Variants in FOXN3 observed in about 807,000 individuals in gnomAD.
The protein encoded by FOXN3 is forkhead box protein N3.
A neutral mutation model predicts 38.4 loss-of-function variants in FOXN3; 7 were observed. The ratio of observed to expected loss-of-function variants is 0.18; its 90% CI spans 0.10 to 0.34. The LOEUF is 0.34. Among genes scored for constraint, FOXN3 ranks in the 10% least tolerant of loss-of-function variants. The pLI is 1.00. For missense variants in FOXN3, 456 were observed against 613.4 expected (o/e 0.74, Z 2.71); for synonymous variants, 230 against 242.2 (o/e 0.95, Z 0.47).
chr14:89,394,828 G>C (rs1388587515), intron 2 of FOXN3, among the ~76,000 whole-genome samples: 1 of 152,212 alleles, frequency 6.6e-6, no homozygotes, highest in East Asian at 1.9e-4. Context: ...ACACAGGAAA[G>C]GACGAGGAAC....
At chr14:89,540,256 T>C (rs1201496956) in intron 1 of FOXN3, among the ~76,000 whole-genome samples, 2 of 152,186 alleles carry the variant, frequency 1.3e-5, no homozygotes, top group South Asian at 2.1e-4. Context: ...GTGGGGTATG[T>C]GGTTAGATCA....
intron 1 of FOXN3, among the ~76,000 whole-genome samples, chr14:89,603,903 T>C (rs1314017051): frequency 2.0e-5 from 3 of 151,898 alleles, no homozygotes; most frequent in Non-Finnish European, 4.4e-5. Context: ...ATAAGAGGCA[T>C]CCAGCTACAG....
intron 1 of FOXN3, among the ~76,000 whole-genome samples, chr14:89,505,160 G>A (rs1893885915): frequency 6.6e-6 from 1 of 152,112 alleles, no homozygotes; most frequent in Non-Finnish European, 1.5e-5. Context: ...GCATGACTGA[G>A]GCAGTTTTAG....
chr14:89,395,992 T>G (rs931046718), intron 2 of FOXN3, among the ~76,000 whole-genome samples: 2 of 152,172 alleles, frequency 1.3e-5, no homozygotes, highest in Non-Finnish European at 2.9e-5. Context: ...TCAGGTCCTT[T>G]GCTCACCAGG....
At chr14:89,454,758 T>C (rs1206487203) in intron 1 of FOXN3, among the ~76,000 whole-genome samples, 4 of 152,236 alleles carry the variant, frequency 2.6e-5, no homozygotes, top group South Asian at 2.1e-4. Context: ...CACTTCTTGA[T>C]TGGTTAGAAT....
chr14:89,203,623 C>T (rs1233000284), intron 4 of FOXN3, among the ~76,000 whole-genome samples: 3 of 152,102 alleles, frequency 2.0e-5, no homozygotes, highest in Non-Finnish European at 4.4e-5. Flanking sequence ...GAAGCGGGGG[C>T]GTGTGGTATG....
intron 3 of FOXN3, among the ~76,000 whole-genome samples, chr14:89,283,395 G>A (rs1405728665): frequency 1.3e-5 from 2 of 152,190 alleles, no homozygotes; most frequent in African/African-American, 4.8e-5. Flanking sequence ...TCCAGTGGCT[G>A]CAGGTTGGGA....
chr14:89,410,831 C>A (rs201667095), intron 2 of FOXN3, among the ~76,000 whole-genome samples: 2 of 151,678 alleles, frequency 1.3e-5, no homozygotes, highest in East Asian at 1.9e-4. Context: ...AGTGATCACA[C>A]CATTGCACTC....
chr14:89,405,230 G>A (rs3783840), intron 2 of FOXN3, among the ~76,000 whole-genome samples: 45,020 of 151,864 alleles, frequency 0.3, 7,738 homozygotes, highest in East Asian at 0.61. Context: ...TCTGCCTCCC[G>A]GGTTCAAGCG....
chr14:89,331,734 C>A (rs1596189778), intron 3 of FOXN3, among the ~76,000 whole-genome samples: 2 of 152,218 alleles, frequency 1.3e-5, no homozygotes, highest in South Asian at 4.1e-4. Flanking sequence ...ATATACCATA[C>A]ATAACTGAAA....
intron 1 of FOXN3, among the ~76,000 whole-genome samples, chr14:89,587,687 G>C (rs1193422066): frequency 2.0e-5 from 3 of 152,078 alleles, no homozygotes; most frequent in African/African-American, 7.2e-5. Context: ...GGACGATATG[G>C]GGAAACCTCG....
intron 4 of FOXN3, among the ~76,000 whole-genome samples, chr14:89,251,127 G>T (rs778480144): frequency 5.3e-5 from 8 of 152,212 alleles, no homozygotes; most frequent in Non-Finnish European, 8.8e-5. Flanking sequence ...TATGCTTTGT[G>T]TTTTTTCTAA....
intron 1 of FOXN3, among the ~76,000 whole-genome samples, chr14:89,476,818 G>GT (rs1893221228): frequency 6.6e-6 from 1 of 152,150 alleles, no homozygotes. Flanking sequence ...CATTGCTGGT[G>GT]TATCTCTAAC....
intron 1 of FOXN3, among the ~76,000 whole-genome samples, chr14:89,588,700 C>T (rs1315626049): frequency 6.6e-6 from 1 of 152,132 alleles, no homozygotes; most frequent in East Asian, 1.9e-4. Flanking sequence ...TGGATGGTAG[C>T]TCTCCTATAT....
intron 1 of FOXN3, among the ~76,000 whole-genome samples, chr14:89,523,118 G>A (rs192555798): frequency 5.3e-5 from 8 of 152,206 alleles, no homozygotes; most frequent in Non-Finnish European, 7.4e-5. Context: ...ACATAGTAAA[G>A]GGGATAATTC....
chr14:89,418,293 A>G (rs1211989996), upstream of FOXN3, among the ~76,000 whole-genome samples: 2 of 152,050 alleles, frequency 1.3e-5, no homozygotes, highest in East Asian at 3.9e-4. Flanking sequence ...ACAGAAAAAA[A>G]CAGCGAGTAG....
At chr14:89,348,665 T>TC (rs369339729) in intron 3 of FOXN3, among the ~76,000 whole-genome samples, 10 of 151,756 alleles carry the variant, frequency 6.6e-5, no homozygotes, top group Non-Finnish European at 1.5e-4. Flanking sequence ...TGGTTTTTTT[T>TC]CCCCCCTCAG....
At chr14:89,444,606 A>G (rs1892456223) in intron 1 of FOXN3, among the ~76,000 whole-genome samples, 1 of 152,100 alleles carries the variant, frequency 6.6e-6, no homozygotes, top group African/African-American at 2.4e-5. Context: ...ATCATTTACA[A>G]CCCCACAGAA....
intron 1 of FOXN3, among the ~76,000 whole-genome samples, chr14:89,521,025 A>T (rs1162680883): frequency 6.6e-6 from 1 of 152,228 alleles, no homozygotes; most frequent in African/African-American, 2.4e-5. Flanking sequence ...GTTTAAGAGA[A>T]TGGTGAGGCT....
Sources: gnomAD v4.1 joint callset for allele counts (sites outside exome capture counted in the v4.1 genomes callset) on GRCh38, gnomAD v4.1.1 for gene constraint, MANE v1.5 for transcripts, NCBI Gene and HGNC (gene_info 2026-07-23, HGNC 2026-07-21) for gene names.